Variants in ZNF652 observed in about 807,000 individuals in gnomAD.
ZNF652 encodes the protein zinc finger protein 652.
In ZNF652, 16 loss-of-function variants were observed where a neutral mutation model predicts 45.2. The ratio of observed to expected loss-of-function variants is 0.35; its 90% CI spans 0.24 to 0.54. ZNF652 has a LOEUF of 0.54. Ranked by LOEUF, ZNF652 falls within the 20% of genes least tolerant of loss-of-function variation. ZNF652 has a pLI of 0.91. For synonymous variants in ZNF652, 250 were observed against 260.6 expected, an observed-to-expected ratio of 0.96 and a Z score of 0.39; for missense variants, 614 against 765.6, an observed-to-expected ratio of 0.80 and a Z score of 2.34.
chr17:49,323,528 G>C (rs1396606370), intron 1 of ZNF652, among the ~76,000 whole-genome samples: 1 of 152,190 alleles, frequency 6.6e-6, no homozygotes, highest in Non-Finnish European at 1.5e-5. Context: ...ATCTAGAGTG[G>C]TGAATCCTTT....
At position 49,298,140 on chromosome 17, in the gene ZNF652, A is replaced by G. The variant is rs999143815; in HGVS notation, c.*273T>C. ...TGATATGAAATTATAAAATTCCACA[A>G]GTCTGAGTATTTGAAACTTATAAAA... is the stretch of plus-strand genomic sequence containing the variant. On this transcript the variant is annotated 3_prime_UTR_variant, in exon 6 of 6. Coordinates refer to ENST00000430262, the MANE Select transcript of ZNF652 (RefSeq NM_001145365.3). 2.1e-6 allele frequency: 1 copy of G among 466,370 alleles called. No individual in the cohort carries two copies. The highest frequency in any genetic ancestry group is 2.7e-5 in the South Asian group (1 of 36,678). The allele number at this position is 466,370 out of a possible 1,614,324, so 28.9% of individuals were successfully genotyped here.
At chr17:49,333,201 G>A (rs2070043287) in intron 1 of ZNF652, among the ~76,000 whole-genome samples, 1 of 151,028 alleles carries the variant, frequency 6.6e-6, no homozygotes, top group Non-Finnish European at 1.5e-5. Flanking sequence ...GGGACTACAG[G>A]TGCCTGTCAC....
chr17:49,317,857 CTG>C lies in ZNF652; in HGVS notation c.-134_-133del, dbSNP rs2069832815. 5 of 1,052,190 alleles carry C rather than the reference CTG, an allele frequency of 4.8e-6. No individual in the cohort carries two copies. Among genetic ancestry groups the C allele is most frequent in the African/African-American group, 1.6e-5 (1 of 62,464 alleles). The allele number at this position is 1,052,190 out of a possible 1,614,324, so 65.2% of individuals were successfully genotyped here. A position where few individuals can be genotyped will look rare whatever the true frequency, so the allele number is the denominator to read the frequency against. On this transcript the variant is annotated 5_prime_UTR_variant, in exon 2 of 6. It removes the in-frame stop codon of an upstream open reading frame in the 5' UTR. Coordinates refer to ENST00000430262, the MANE Select transcript of ZNF652 (RefSeq NM_001145365.3). Reference sequence around the variant, plus strand: ...AATGAAAAAAAGATATTCCTGGAAACTGTGTGCAATTCTTCCAGTGTTGCAGC... The same window carrying C: ...AATGAAAAAAAGATATTCCTGGAAACTGTGCAATTCTTCCAGTGTTGCAGC...
At chr17:49,341,346 G>A (rs1382779088) in intron 1 of ZNF652, among the ~76,000 whole-genome samples, 1 of 151,900 alleles carries the variant, frequency 6.6e-6, no homozygotes, top group Non-Finnish European at 1.5e-5. Context: ...TGGATGGCCT[G>A]ACAAGGAAAA....
chr17:49,355,885 C>T (rs1359234705), intron 1 of ZNF652, among the ~76,000 whole-genome samples: 1 of 151,424 alleles, frequency 6.6e-6, no homozygotes, highest in Non-Finnish European at 1.5e-5. Context: ...GGCAACATAG[C>T]GAGACACCAA....
rs550426264 is a variant in ZNF652 at position 49,348,443 on chromosome 17, G to A, written c.-259+13466C>T. ...TGAGGTTACAGTGAGCCAAGACTGAGCCTCAGGCTGGGTGACAGAGCAAGA... is the reference window on the plus strand; with the variant it reads ...TGAGGTTACAGTGAGCCAAGACTGAACCTCAGGCTGGGTGACAGAGCAAGA... On this transcript the variant is annotated intron_variant, in intron 1 of 5. Coordinates refer to ENST00000430262, the MANE Select transcript of ZNF652 (RefSeq NM_001145365.3). Among the ~76,000 whole-genome samples, 5 of 145,446 alleles carry A rather than the reference G, an allele frequency of 3.4e-5. No homozygotes were observed. In the South Asian group the frequency reaches 1.1e-3, roughly 32 times the overall value.
Position 49,339,196 on chromosome 17 carries a change from A to AT in ZNF652, c.-258-21214_-258-21213insA, listed in dbSNP as rs766243923. Among the ~76,000 whole-genome samples, 969 of 101,670 alleles carry AT rather than the reference A, an allele frequency of 9.5e-3. 11 individuals carry two copies. Among genetic ancestry groups the AT allele is most frequent in the Middle Eastern group, 0.032 (6 of 188 alleles). 66.7% of individuals were successfully genotyped at this position (101,670 alleles called of 152,430 possible). A position where few individuals can be genotyped will look rare whatever the true frequency, so the allele number is the denominator to read the frequency against. On this transcript the variant is annotated intron_variant, in intron 1 of 5. Coordinates refer to ENST00000430262, the MANE Select transcript of ZNF652 (RefSeq NM_001145365.3). ...AACAAAGAAAAGGTCTGAGTTAGGA[A>AT]ATTTTTTTTTTTTTTTTTTTTTTGA...
Position 49,317,685 on chromosome 17 carries a change from T to C in ZNF652, c.41A>G (p.Asn14Ser). The C allele has an allele frequency of 6.2e-7, 1 of 1,602,434 alleles. No individual in the cohort carries two copies. Among genetic ancestry groups the C allele is most frequent in the South Asian group, 1.1e-5 (1 of 90,786 alleles). Residue 14 changes from asparagine to serine, a missense_variant, in exon 2 of 6, where the codon AAC becomes AGC. Physicochemically the swap from Asn to Ser is conservative, Grantham distance 46. This residue lies in a region of ZNF652 where 133 missense variants were observed against 132.2 expected (regional missense o/e 1.01). Coordinates refer to ENST00000430262, the MANE Select transcript of ZNF652 (RefSeq NM_001145365.3). ...TASSCQELVE[N>S]CAVHVAGMAQ... ...CATTCCTGCTACATGCACAGCACAGTTTTCAACCAGCTCCTGACAAGAACT... is the reference window on the plus strand; with the variant it reads ...CATTCCTGCTACATGCACAGCACAGCTTTCAACCAGCTCCTGACAAGAACT...
intron 1 of ZNF652, among the ~76,000 whole-genome samples, chr17:49,327,151 A>C (rs1252455804): frequency 6.6e-6 from 1 of 152,142 alleles, no homozygotes; most frequent in African/African-American, 2.4e-5. Context: ...CATAAAGCAC[A>C]TATATAGATA....
intron 3 of ZNF652, 51 bp downstream of exon 3, chr17:49,312,647 C>CA: frequency 6.3e-7 from 1 of 1,585,338 alleles, no homozygotes; most frequent in Non-Finnish European, 8.6e-7. Context: ...ATAAAGCACA[C>CA]AGAAGAACAA....
In ZNF652 at chr17:49,360,255, T is replaced by TA. The variant is rs201527665; in HGVS notation, c.-259+1653dup. On this transcript the variant is annotated intron_variant, in intron 1 of 5. Transcript: ENST00000430262. ...CCAGACAATGTACTCTAATCCTTTT[T>TA]AAAAAAAAACTAACCAACTAAACAA... is the stretch of plus-strand genomic sequence containing the variant. 3.8e-3 allele frequency among the ~76,000 whole-genome samples: 583 copies of TA among 151,758 alleles called. 4 individuals carry two copies. The highest frequency in any genetic ancestry group is 0.012 in the African/African-American group (486 of 41,418).
chr17:49,337,173 A>G (rs2070094560), intron 1 of ZNF652, among the ~76,000 whole-genome samples: 2 of 151,346 alleles, frequency 1.3e-5, no homozygotes, highest in Non-Finnish European at 1.5e-5. Context: ...ATGTCTACAA[A>G]AATTTTTTAA....
intron 1 of ZNF652, among the ~76,000 whole-genome samples, chr17:49,358,470 ACTT>A: frequency 6.6e-6 from 1 of 152,194 alleles, no homozygotes; most frequent in East Asian, 1.9e-4. Context: ...AAGACAATCC[ACTT>A]TTTTTTGTTG....
At chr17:49,321,559 C>T (rs528462588) in intron 1 of ZNF652, among the ~76,000 whole-genome samples, 2 of 151,724 alleles carry the variant, frequency 1.3e-5, no homozygotes, top group South Asian at 4.2e-4. Context: ...CGTGAGCCAC[C>T]GTGCCCAGCC....
chr17:49,351,017 ACACACAC>A (rs1567700314), intron 1 of ZNF652, among the ~76,000 whole-genome samples: 210 of 19,580 alleles, frequency 0.011, no homozygotes, highest in East Asian at 0.021. Context: ...ATATATATAC[ACACACAC>A]ACACACACAC....
At position 49,294,478 on chromosome 17, in the gene ZNF652, T is replaced by G. The variant is rs1435983623; in HGVS notation, c.*3935A>C. 6.6e-6 allele frequency: 1 copy of G among 152,170 alleles called. No homozygotes were observed. Among genetic ancestry groups the G allele is most frequent in the Non-Finnish European group, 1.5e-5 (1 of 68,032 alleles). 9.4% of individuals were successfully genotyped at this position (152,170 alleles called of 1,614,324 possible). ...ATAAGAATCCAGTCACAAATATATGTGGAAATGAAGCCACATGCCTTTAAA... is the reference window on the plus strand; with the variant it reads ...ATAAGAATCCAGTCACAAATATATGGGGAAATGAAGCCACATGCCTTTAAA... On this transcript the variant is annotated 3_prime_UTR_variant, in exon 6 of 6. Transcript: ENST00000430262.
In ZNF652 at chr17:49,295,432, T is replaced by TA. The variant is rs2069459983; in HGVS notation, c.*2980_*2981insT. 1 of 138,124 alleles carries TA rather than the reference T, an allele frequency of 7.2e-6. No homozygotes were observed. The highest frequency in any genetic ancestry group is 2.5e-5 in the African/African-American group (1 of 40,466). 8.6% of individuals were successfully genotyped at this position (138,124 alleles called of 1,614,324 possible). On this transcript the variant is annotated 3_prime_UTR_variant, in exon 6 of 6. Coordinates refer to ENST00000430262, the MANE Select transcript of ZNF652 (RefSeq NM_001145365.3). Reference sequence around the variant, plus strand: ...TTTTAAAAATAATATATATATATATTTTTGTTTCTGTTAAGGATGGTGGTA... The same window carrying TA: ...TTTTAAAAATAATATATATATATATTATTTGTTTCTGTTAAGGATGGTGGTA...
intron 1 of ZNF652, among the ~76,000 whole-genome samples, chr17:49,320,170 A>G (rs2143813405): frequency 6.6e-6 from 1 of 152,220 alleles, no homozygotes; most frequent in African/African-American, 2.4e-5. Context: ...ATCAGTATTT[A>G]TTATTACTAT....
chr17:49,344,919 T>A (rs989615881), intron 1 of ZNF652, among the ~76,000 whole-genome samples: 2 of 152,144 alleles, frequency 1.3e-5, no homozygotes, highest in African/African-American at 4.8e-5. Context: ...TTGTTCAAGT[T>A]AGCATTCCCT....
Sources: gnomAD v4.1 joint callset for allele counts (sites outside exome capture counted in the v4.1 genomes callset) on GRCh38, gnomAD v4.1.1 for gene constraint, gnomAD v4.1.1 regional missense constraint, MANE v1.5 for transcripts, NCBI Gene and HGNC (gene_info 2026-07-23, HGNC 2026-07-21) for gene names.